Variants in TENM2 observed in about 807,000 individuals in gnomAD.
The protein encoded by TENM2 is teneurin transmembrane protein 2.
A neutral mutation model predicts 245.2 loss-of-function variants in TENM2; 52 were observed. The observed-to-expected ratio is 0.21, with a 90% CI of 0.17 to 0.27. The LOEUF is 0.27. TENM2 is among the 10% of genes least tolerant of loss of function. The pLI, the probability that TENM2 is intolerant of heterozygous loss-of-function variation, is 1.00. For synonymous variants in TENM2, 1,363 were observed against 1,438.9 expected (o/e 0.95, Z 1.19); for missense variants, 3,046 against 3,666.8 (o/e 0.83, Z 4.37).
intron 9 of TENM2, among the ~76,000 whole-genome samples, chr5:168,111,540 C>A (rs531344527): frequency 1.2e-4 from 18 of 151,984 alleles, no homozygotes; most frequent in African/African-American, 4.1e-4. Context: ...TTTCCAACTT[C>A]CTCTCTCTCT....
intron 4 of TENM2, among the ~76,000 whole-genome samples, chr5:167,990,960 G>A (rs544594122): frequency 2.0e-5 from 3 of 152,310 alleles, no homozygotes; most frequent in African/African-American, 7.2e-5. Flanking sequence ...TAGTAGGTCT[G>A]ATTAGAGCTT....
rs565090084 is a variant in TENM2, at chr5:167,810,429, G to A, written c.503-65557G>A. 2.5e-3 allele frequency among the ~76,000 whole-genome samples: 387 copies of A among 151,812 alleles called. 1 individual carries two copies. Among genetic ancestry groups the A allele is most frequent in the African/African-American group, 8.9e-3 (367 of 41,384 alleles). ...TAAATCTTCATTTTTTCCCCTTAAC[G>A]GAACTTGGTCTCCCCATTTCGCCAC... On this transcript the variant is annotated intron_variant, in intron 2 of 28. Coordinates refer to ENST00000518659, the Ensembl canonical transcript of TENM2.
exon 12 of TENM2, chr5:168,126,907 G>C (rs200354006): frequency 4.4e-6 from 7 of 1,608,514 alleles, no homozygotes. Context: ...TGTGAATGCC[G>C]AGAGGGCTGG....
intron 4 of TENM2, among the ~76,000 whole-genome samples, chr5:167,970,156 AG>A (rs1313367747): frequency 6.6e-6 from 1 of 152,230 alleles, no homozygotes; most frequent in Non-Finnish European, 1.5e-5. Flanking sequence ...AGAGCACAGA[AG>A]GGGGTTTACA....
chr5:168,147,352 CAG>C (rs1190829795), intron 12 of TENM2, among the ~76,000 whole-genome samples: 2 of 152,202 alleles, frequency 1.3e-5, no homozygotes, highest in Non-Finnish European at 2.9e-5. Context: ...TTCTCAACCA[CAG>C]CGTTGCACAC....
intron 2 of TENM2, among the ~76,000 whole-genome samples, chr5:167,872,330 GAAA>G (rs757385710): frequency 1.0e-3 from 62 of 61,470 alleles, no homozygotes; most frequent in African/African-American, 2.9e-3. Flanking sequence ...AAGAAAGAAA[GAAA>G]GAAAGAAAGA....
chr5:168,001,834 C>T (rs953296098), intron 5 of TENM2, among the ~76,000 whole-genome samples: 3 of 152,162 alleles, frequency 2.0e-5, no homozygotes, highest in Admixed American at 1.3e-4. Flanking sequence ...TCTCTGCATT[C>T]AGAGAGCAAA....
At chr5:167,896,924 G>A (rs748815955) in intron 3 of TENM2, among the ~76,000 whole-genome samples, 56 of 152,344 alleles carry the variant, frequency 3.7e-4, no homozygotes, top group Non-Finnish European at 6.5e-4. Flanking sequence ...AAAATAGCTA[G>A]CATGTGCGTT....
the TENM2 span, among the ~76,000 whole-genome samples, chr5:167,245,084 C>T: frequency 2.0e-4 from 30 of 152,224 alleles, no homozygotes; most frequent in African/African-American, 7.2e-4. Context: ...CATTTTAATT[C>T]CTCTGCTGGT....
At chr5:167,574,543 C>T (rs1774510872) in intron 2 of TENM2, among the ~76,000 whole-genome samples, 1 of 152,148 alleles carries the variant, frequency 6.6e-6, no homozygotes, top group Non-Finnish European at 1.5e-5. Context: ...CTTCTTATAT[C>T]TCCTTAACGT....
At chr5:167,805,614 AGTG>A (rs1766107222) in intron 2 of TENM2, among the ~76,000 whole-genome samples, 1 of 152,184 alleles carries the variant, frequency 6.6e-6, no homozygotes. Flanking sequence ...GGCAGTAAAT[AGTG>A]ATCAATAACT....
chr5:168,126,377 C>T (rs1257711057), intron 11 of TENM2, among the ~76,000 whole-genome samples: 2 of 152,152 alleles, frequency 1.3e-5, no homozygotes, highest in Non-Finnish European at 2.9e-5. Flanking sequence ...TGGTCTCAAT[C>T]TCTAGAAGAG....
rs770648967 is a variant in TENM2 at position 167,665,427 on chromosome 5, A to G, written c.503-210559A>G. Among the ~76,000 whole-genome samples the G allele has an allele frequency of 1.6e-4, 24 of 152,102 alleles. 1 individual carries two copies. The highest frequency in any genetic ancestry group is 9.2e-4 in the Admixed American group (14 of 15,282). On this transcript the variant is annotated intron_variant, in intron 2 of 28. Coordinates refer to ENST00000518659, the Ensembl canonical transcript of TENM2. ...AACATCTGGAGGCTGAGGGCAGAAG[A>G]GGATATAAGAGACCAAAAAAAAAAT...
chr5:167,272,997 T>C, the TENM2 span, among the ~76,000 whole-genome samples: 1 of 152,068 alleles, frequency 6.6e-6, no homozygotes, highest in Non-Finnish European at 1.5e-5. Flanking sequence ...GGTACACTCA[T>C]ATATACAATA....
At chr5:168,242,318 AC>A (rs1209242653) in intron 25 of TENM2, among the ~76,000 whole-genome samples, 1 of 151,818 alleles carries the variant, frequency 6.6e-6, no homozygotes, top group East Asian at 1.9e-4. Context: ...ACCCCCTCAC[AC>A]CCCCAAAGCT....
At chr5:167,089,509 C>G in the TENM2 span, among the ~76,000 whole-genome samples, 5 of 152,162 alleles carry the variant, frequency 3.3e-5, no homozygotes, top group South Asian at 1.0e-3. Context: ...AGATTAGGGG[C>G]TCTTTCAAAG....
At chr5:167,351,241 C>T (rs1758895706) in intron 1 of TENM2, among the ~76,000 whole-genome samples, 1 of 151,310 alleles carries the variant, frequency 6.6e-6, no homozygotes, top group Admixed American at 6.6e-5. Context: ...CAATTAATTT[C>T]TTATTCCCAT....
chr5:167,557,186 A>G (rs1773313543), intron 2 of TENM2, among the ~76,000 whole-genome samples: 1 of 152,206 alleles, frequency 6.6e-6, no homozygotes, highest in Non-Finnish European at 1.5e-5. Context: ...AGTACCTTAT[A>G]TGCTTCTTTG....
At chr5:167,213,737 A>G in the TENM2 span, among the ~76,000 whole-genome samples, 1 of 152,232 alleles carries the variant, frequency 6.6e-6, no homozygotes, top group Non-Finnish European at 1.5e-5. Flanking sequence ...AATAATATTG[A>G]GAAAATTAAA....
Sources: gnomAD v4.1 joint callset for allele counts (sites outside exome capture counted in the v4.1 genomes callset) on GRCh38, gnomAD v4.1.1 for gene constraint, MANE v1.5 for transcripts, NCBI Gene and HGNC (gene_info 2026-07-23, HGNC 2026-07-21) for gene names.